CSMD3: variants seen among roughly 807,000 people sequenced by gnomAD.
The protein encoded by CSMD3 is CUB and Sushi multiple domains 3.
In CSMD3, 177 loss-of-function variants were observed where a neutral mutation model predicts 435.2. The observed-to-expected ratio is 0.41, with a 90% CI of 0.36 to 0.46. The LOEUF (loss-of-function observed/expected upper bound fraction) is 0.46. CSMD3 is among the 20% of genes least tolerant of loss of function. The pLI is 0.34. For synonymous variants in CSMD3, 1,656 were observed against 1,520.5 expected (o/e 1.09, Z -2.07); for missense variants, 4,265 against 4,504.6 (o/e 0.95, Z 1.52).
At chr8:112,415,657 A>C (rs1200597107) in intron 32 of CSMD3, among the ~76,000 whole-genome samples, 1 of 152,212 alleles carries the variant, frequency 6.6e-6, no homozygotes, top group East Asian at 1.9e-4. Flanking sequence ...GCTCAATGCC[A>C]GTCTATGAAA....
At chr8:113,423,634 T>C (rs2094620278) in intron 1 of CSMD3, among the ~76,000 whole-genome samples, 1 of 151,980 alleles carries the variant, frequency 6.6e-6, no homozygotes. Context: ...AAGAAGAATC[T>C]TAAATGCTGA....
intron 11 of CSMD3, among the ~76,000 whole-genome samples, chr8:112,844,600 A>G (rs1215642347): frequency 1.3e-5 from 2 of 151,932 alleles, no homozygotes; most frequent in Non-Finnish European, 2.9e-5. Context: ...GTTAGACACC[A>G]TGTTGCAACC....
At chr8:112,527,112 A>G (rs1463014701) in intron 27 of CSMD3, among the ~76,000 whole-genome samples, 1 of 151,982 alleles carries the variant, frequency 6.6e-6, no homozygotes, top group Non-Finnish European at 1.5e-5. Context: ...GTGAATAATT[A>G]TATTAAATAT....
At chr8:113,330,924 A>G (rs990100496) in intron 1 of CSMD3, among the ~76,000 whole-genome samples, 8 of 151,908 alleles carry the variant, frequency 5.3e-5, no homozygotes, top group African/African-American at 1.7e-4. Flanking sequence ...CCAGAAGCCA[A>G]CTAAGCCTCA....
intron 3 of CSMD3, among the ~76,000 whole-genome samples, chr8:113,256,515 TTC>T (rs1174344616): frequency 3.3e-5 from 5 of 152,196 alleles, no homozygotes; most frequent in African/African-American, 1.2e-4. Context: ...ATAACTGAGT[TTC>T]TTCAGAAGTA....
chr8:112,341,749 A>T (rs2130994878), intron 41 of CSMD3, 63 bp from the exon 42 acceptor site: 1 of 996,598 alleles, frequency 1.0e-6, no homozygotes, highest in Non-Finnish European at 1.6e-6. Context: ...ATAAATATAC[A>T]CACACACAAT....
intron 12 of CSMD3, among the ~76,000 whole-genome samples, chr8:112,811,378 G>A (rs1282035309): frequency 6.7e-6 from 1 of 149,750 alleles, no homozygotes; most frequent in Non-Finnish European, 1.5e-5. Context: ...TTTTCTTTCA[G>A]ATATGTGTAA....
At chr8:112,943,149 A>C (rs1404520291) in intron 9 of CSMD3, among the ~76,000 whole-genome samples, 1 of 151,464 alleles carries the variant, frequency 6.6e-6, no homozygotes, top group Non-Finnish European at 1.5e-5. Context: ...TTCTGTTTTG[A>C]TGTTTTGCCT....
intron 35 of CSMD3, among the ~76,000 whole-genome samples, chr8:112,394,814 T>C (rs574521484): frequency 6.6e-6 from 1 of 152,312 alleles, no homozygotes; most frequent in East Asian, 1.9e-4. Flanking sequence ...AAAATGTAAA[T>C]GCAAAATGTA....
At chr8:112,924,447 G>T (rs2082848047) in intron 9 of CSMD3, among the ~76,000 whole-genome samples, 1 of 151,904 alleles carries the variant, frequency 6.6e-6, no homozygotes, top group Non-Finnish European at 1.5e-5. Context: ...GATCTATCAT[G>T]GTTACCATAT....
chr8:112,490,306 C>T (rs1563608070), intron 31 of CSMD3, among the ~76,000 whole-genome samples: 2 of 152,258 alleles, frequency 1.3e-5, no homozygotes, highest in African/African-American at 2.4e-5. Context: ...GAATTCAGGT[C>T]TGCTGTATGC....
chr8:112,291,182 T>C (rs1819727977), intron 56 of CSMD3, among the ~76,000 whole-genome samples: 1 of 151,888 alleles, frequency 6.6e-6, no homozygotes, highest in South Asian at 2.1e-4. Context: ...AAATGAAATA[T>C]TAAATATTAG....
intron 13 of CSMD3, among the ~76,000 whole-genome samples, chr8:112,729,210 C>T (rs1266230459): frequency 6.6e-6 from 1 of 151,952 alleles, no homozygotes; most frequent in East Asian, 1.9e-4. Context: ...GGTGAAAAGG[C>T]ATGAGATCCA....
chr8:113,020,110 C>T (rs935974163), intron 5 of CSMD3, among the ~76,000 whole-genome samples: 1 of 144,652 alleles, frequency 6.9e-6, no homozygotes, highest in Non-Finnish European at 1.5e-5. Context: ...TTGCAGTGAG[C>T]CGAGATTGCG....
chr8:112,800,736 C>T (rs776895527), intron 12 of CSMD3, among the ~76,000 whole-genome samples: 17 of 151,912 alleles, frequency 1.1e-4, no homozygotes, highest in Non-Finnish European at 1.9e-4. Flanking sequence ...ATACTGATGT[C>T]GAATACACAA....
intron 5 of CSMD3, among the ~76,000 whole-genome samples, chr8:113,025,075 T>C (rs1477673460): frequency 2.6e-5 from 4 of 152,170 alleles, no homozygotes; most frequent in Non-Finnish European, 5.9e-5. Flanking sequence ...TTTTTAAGGC[T>C]GAAATGTCTA....
intron 27 of CSMD3, among the ~76,000 whole-genome samples, chr8:112,524,584 T>C (rs1163764388): frequency 2.0e-5 from 3 of 152,038 alleles, no homozygotes; most frequent in East Asian, 1.9e-4. Context: ...GATGTGAACA[T>C]AGTTTTAAAA....
intron 2 of CSMD3, among the ~76,000 whole-genome samples, chr8:113,284,452 C>A (rs902778925): frequency 2.6e-5 from 4 of 152,142 alleles, no homozygotes; most frequent in Admixed American, 6.5e-5. Context: ...AAGAAAATTT[C>A]TATAGCTTAA....
At chr8:113,126,630 T>C (rs1010993757) in intron 4 of CSMD3, among the ~76,000 whole-genome samples, 15 of 151,862 alleles carry the variant, frequency 9.9e-5, no homozygotes, top group African/African-American at 3.6e-4. Context: ...AATAGTATCG[T>C]AGATTGGCCA....
Sources: gnomAD v4.1 joint callset for allele counts (sites outside exome capture counted in the v4.1 genomes callset) on GRCh38, gnomAD v4.1.1 for gene constraint, MANE v1.5 for transcripts, NCBI Gene and HGNC (gene_info 2026-07-23, HGNC 2026-07-21) for gene names.